Variants in PDE3B observed in about 807,000 individuals in gnomAD.
PDE3B encodes the protein phosphodiesterase 3B.
In PDE3B, 66 loss-of-function variants were observed where a neutral mutation model predicts 116.8. The ratio of observed to expected loss-of-function variants is 0.56; its 90% confidence interval spans 0.46 to 0.69. The LOEUF is 0.69. Ranked by LOEUF, PDE3B falls within the 30% of genes least tolerant of loss-of-function variation. The pLI is 0.00. For missense variants in PDE3B, 1,384 were observed against 1,368.1 expected (o/e 1.01, Z -0.18); for synonymous variants, 595 against 533.6 (o/e 1.12, Z -1.59).
chr11:14,880,437 T>C, the PDE3B span: 3 of 1,613,344 alleles, frequency 1.9e-6, no homozygotes, highest in Non-Finnish European at 2.5e-6. Context: ...TGCCAATCCA[T>C]GGAAAGGCAT....
At chr11:14,832,951 C>CT (rs879086881) in intron 10 of PDE3B, 118 bp downstream of exon 10, 56,359 of 408,954 alleles carry the variant, frequency 0.14, no homozygotes, top group South Asian at 0.19. Flanking sequence ...TTGAAATTTT[C>CT]TTTTTTTTTT....
intron 4 of PDE3B, among the ~76,000 whole-genome samples, chr11:14,796,573 A>C (rs2133926478): frequency 6.6e-6 from 1 of 152,362 alleles, no homozygotes; most frequent in African/African-American, 2.4e-5. Flanking sequence ...AACTGGCATG[A>C]GATGGTATCT....
chr11:14,663,507 C>G (rs1476825894), intron 1 of PDE3B, among the ~76,000 whole-genome samples: 1 of 150,078 alleles, frequency 6.7e-6, no homozygotes, highest in Admixed American at 6.6e-5. Context: ...AAAAGACACT[C>G]CTCACTTCAA....
intron 1 of PDE3B, among the ~76,000 whole-genome samples, chr11:14,705,698 G>A (rs1360856684): frequency 6.6e-6 from 1 of 151,710 alleles, no homozygotes; most frequent in African/African-American, 2.4e-5. Context: ...AGCTTTTTTT[G>A]TGATTTCAAA....
At chr11:14,800,397 G>A (rs1194586272) in intron 4 of PDE3B, among the ~76,000 whole-genome samples, 1 of 152,046 alleles carries the variant, frequency 6.6e-6, no homozygotes. Flanking sequence ...CCTGGGAGGC[G>A]GAGGTGGCAG....
intron 1 of PDE3B, among the ~76,000 whole-genome samples, chr11:14,693,311 A>G (rs890544319): frequency 6.6e-6 from 1 of 152,236 alleles, no homozygotes. Flanking sequence ...TAGCTAAGGT[A>G]AGTGGAAGGT....
chr11:14,648,359 G>T (rs913979267), intron 1 of PDE3B, among the ~76,000 whole-genome samples: 1 of 151,810 alleles, frequency 6.6e-6, no homozygotes, highest in Non-Finnish European at 1.5e-5. Flanking sequence ...ATTTGAAAAA[G>T]GTATACATAT....
intron 4 of PDE3B, among the ~76,000 whole-genome samples, chr11:14,794,998 T>C (rs902407948): frequency 6.6e-6 from 1 of 152,184 alleles, no homozygotes; most frequent in Non-Finnish European, 1.5e-5. Context: ...TTGTTCACTT[T>C]CCTGGAAGCC....
intron 1 of PDE3B, among the ~76,000 whole-genome samples, chr11:14,733,320 T>C (rs949056586): frequency 1.3e-5 from 2 of 152,218 alleles, no homozygotes; most frequent in African/African-American, 4.8e-5. Context: ...GCTCCGATTC[T>C]TATTTTAATT....
the PDE3B span, chr11:14,885,957 T>A: frequency 6.3e-7 from 1 of 1,595,174 alleles, no homozygotes; most frequent in African/African-American, 1.3e-5. Flanking sequence ...AATGACAGCA[T>A]GTATGGAGAA....
intron 5 of PDE3B, among the ~76,000 whole-genome samples, chr11:14,810,499 A>T (rs1468636156): frequency 6.6e-6 from 1 of 151,994 alleles, no homozygotes; most frequent in Non-Finnish European, 1.5e-5. Flanking sequence ...ACATGAACTC[A>T]TCCTTTTTTA....
chr11:14,727,159 C>A (rs1380017475), intron 1 of PDE3B, among the ~76,000 whole-genome samples: 2 of 152,174 alleles, frequency 1.3e-5, no homozygotes, highest in East Asian at 1.9e-4. Context: ...TATAACTCTT[C>A]AGTAAATTAA....
At chr11:14,898,649 A>T in the PDE3B span, among the ~76,000 whole-genome samples, 1 of 152,098 alleles carries the variant, frequency 6.6e-6, no homozygotes, top group Non-Finnish European at 1.5e-5. Flanking sequence ...TTACACATTG[A>T]GCTGGTGGCG....
intron 1 of PDE3B, among the ~76,000 whole-genome samples, chr11:14,712,466 GTTTTTT>G (rs58004646): frequency 0.012 from 883 of 76,242 alleles, 7 homozygotes; most frequent in Middle Eastern, 0.026. Flanking sequence ...GTACAAGCTT[GTTTTTT>G]TTTTTTTTTT....
chr11:14,835,736 T>A (rs368880912), intron 11 of PDE3B, among the ~76,000 whole-genome samples: 13 of 152,178 alleles, frequency 8.5e-5, no homozygotes, highest in African/African-American at 3.1e-4. Context: ...GGCAAGAGGA[T>A]CACTTGAGGC....
intron 12 of PDE3B, among the ~76,000 whole-genome samples, chr11:14,847,079 T>C (rs976255808): frequency 1.8e-4 from 27 of 152,002 alleles, no homozygotes; most frequent in African/African-American, 5.3e-4. Flanking sequence ...AAATTGACCA[T>C]ATAGTTGGAA....
At chr11:14,697,350 A>G (rs1225872528) in intron 1 of PDE3B, among the ~76,000 whole-genome samples, 1 of 152,160 alleles carries the variant, frequency 6.6e-6, no homozygotes, top group East Asian at 1.9e-4. Context: ...CTCTAGCACC[A>G]TTAATTGAAA....
chr11:14,838,254 T>C (rs1173777213), intron 11 of PDE3B, among the ~76,000 whole-genome samples: 2 of 152,030 alleles, frequency 1.3e-5, no homozygotes, highest in Non-Finnish European at 2.9e-5. Flanking sequence ...GCTGGGATTA[T>C]AGGTGTGAGC....
rs1555008922 is a variant in PDE3B, at chr11:14,870,672, C to T, written c.*1012C>T. On this transcript the variant is annotated 3_prime_UTR_variant, in exon 16 of 16. Coordinates refer to ENST00000282096, the MANE Select transcript of PDE3B (RefSeq NM_000922.4). The surrounding 1 kb of genome is among the most constrained non-coding windows in gnomAD (Gnocchi z 4.1). ...CCACATCTTAGCTGTCATTTGTTCA[C>T]TCTAAAACTGATGTTCATCTTTCTG... 2 of 152,180 alleles carry T rather than the reference C, an allele frequency of 1.3e-5. No homozygotes were observed. The highest frequency in any genetic ancestry group is 4.8e-5 in the African/African-American group (2 of 41,430). The allele number at this position is 152,180 out of a possible 1,614,324, so 9.4% of individuals were successfully genotyped here.
Sources: allele counts gnomAD v4.1 joint callset (sites outside exome capture counted in the v4.1 genomes callset), GRCh38; gene constraint gnomAD v4.1.1; non-coding constraint Gnocchi (gnomAD v3.1); transcripts MANE v1.5; gene names NCBI Gene and HGNC (gene_info 2026-07-23, HGNC 2026-07-21).